Variants in LOC112694756 observed in about 807,000 individuals in gnomAD.
At chr16:30,067,714 A>G in the LOC112694756 span, 2 of 1,605,680 alleles carry the variant, frequency 1.2e-6, no homozygotes, top group African/African-American at 1.3e-5. Context: ...GAGGAAGGAA[A>G]TCCAGGTTAG....
chr16:30,065,504 G>A, the LOC112694756 span, among the ~76,000 whole-genome samples: 1 of 152,214 alleles, frequency 6.6e-6, no homozygotes, highest in Non-Finnish European at 1.5e-5. Context: ...GAGCGCGCCA[G>A]GCTGGGGGAA....
chr16:30,065,190 C>T, the LOC112694756 span, among the ~76,000 whole-genome samples: 2 of 152,232 alleles, frequency 1.3e-5, no homozygotes, highest in Admixed American at 1.3e-4. Flanking sequence ...CTCGCGCTCC[C>T]TGCGTGTCCT....
chr16:30,060,818 C>T, the LOC112694756 span, among the ~76,000 whole-genome samples: 1 of 152,180 alleles, frequency 6.6e-6, no homozygotes, highest in African/African-American at 2.4e-5. Flanking sequence ...TCCACCATGA[C>T]GGTTCTAGCC....
At chr16:30,060,222 G>A in the LOC112694756 span, among the ~76,000 whole-genome samples, 2 of 151,828 alleles carry the variant, frequency 1.3e-5, no homozygotes. Flanking sequence ...CAGATGGTGC[G>A]CCCACCTTGG....
chr16:30,053,784 T>C, the LOC112694756 span, among the ~76,000 whole-genome samples: 2 of 152,002 alleles, frequency 1.3e-5, no homozygotes, highest in East Asian at 3.9e-4. Flanking sequence ...CTGCAGCATT[T>C]GGGGAACTGC....
the LOC112694756 span, among the ~76,000 whole-genome samples, chr16:30,061,071 C>A: frequency 6.6e-6 from 1 of 152,252 alleles, no homozygotes; most frequent in African/African-American, 2.4e-5. Context: ...CCTCAAGGAG[C>A]CAATCTTCTG....
At chr16:30,067,504 G>C in the LOC112694756 span, 1 of 1,613,548 alleles carries the variant, frequency 6.2e-7, no homozygotes, top group African/African-American at 1.3e-5. Flanking sequence ...GAGGAGAACC[G>C]GCGCTTCTAC....
the LOC112694756 span, among the ~76,000 whole-genome samples, chr16:30,065,122 C>T: frequency 6.6e-6 from 1 of 152,242 alleles, no homozygotes; most frequent in Non-Finnish European, 1.5e-5. Flanking sequence ...CCCGGCCTGC[C>T]AGCCTGGAAC....
At chr16:30,059,100 GTCTGGGC>G in the LOC112694756 span, 1 of 398,240 alleles carries the variant, frequency 2.5e-6, no homozygotes, top group Non-Finnish European at 4.4e-6. Flanking sequence ...CCACACTGAG[GTCTGGGC>G]TGGGGCTAGA....
chr16:30,058,588 C>T, the LOC112694756 span, among the ~76,000 whole-genome samples: 3 of 151,768 alleles, frequency 2.0e-5, no homozygotes, highest in East Asian at 1.9e-4. Context: ...CGGGTTCAAG[C>T]GATTCTCCTG....
the LOC112694756 span, chr16:30,067,535 TGAC>T: frequency 6.2e-7 from 1 of 1,613,734 alleles, no homozygotes; most frequent in Non-Finnish European, 8.5e-7. Flanking sequence ...TGCTGACAGC[TGAC>T]GACCGCGTGA....
At chr16:30,054,726 C>A in the LOC112694756 span, 1 of 399,444 alleles carries the variant, frequency 2.5e-6, no homozygotes, top group Non-Finnish European at 4.4e-6. Flanking sequence ...ATGGTATTCC[C>A]GTGTTCCTGC....
At chr16:30,063,150 A>T in the LOC112694756 span, among the ~76,000 whole-genome samples, 1 of 152,138 alleles carries the variant, frequency 6.6e-6, no homozygotes, top group Non-Finnish European at 1.5e-5. Flanking sequence ...CAAAAAAAAA[A>T]AAAAAATTAA....
chr16:30,069,216 A>G, the LOC112694756 span: 1 of 1,484,594 alleles, frequency 6.7e-7, no homozygotes, highest in Non-Finnish European at 9.4e-7. Flanking sequence ...TGGCATCATC[A>G]AGATACGGTC....
chr16:30,069,123 G>A, the LOC112694756 span: 2 of 1,409,900 alleles, frequency 1.4e-6, no homozygotes, highest in Non-Finnish European at 2.0e-6. Flanking sequence ...GCTGTTGAAG[G>A]CAGAGGGGCC....
the LOC112694756 span, chr16:30,067,701 G>A: frequency 6.2e-7 from 1 of 1,610,942 alleles, no homozygotes; most frequent in Non-Finnish European, 8.5e-7. Context: ...TGAGATGGAA[G>A]TGGAGGAAGG....
chr16:30,059,308 T>C, the LOC112694756 span, among the ~76,000 whole-genome samples: 16 of 151,678 alleles, frequency 1.1e-4, no homozygotes, highest in Admixed American at 2.6e-4. Flanking sequence ...CCATCCTGGC[T>C]AACACGGTAA....
chr16:30,069,786 G>C, the LOC112694756 span: 4 of 1,613,222 alleles, frequency 2.5e-6, no homozygotes, highest in South Asian at 4.4e-5. Context: ...CCAGCTTCCT[G>C]GGTCTCTGAC....
At chr16:30,055,370 A>C in the LOC112694756 span, 1 of 399,014 alleles carries the variant, frequency 2.5e-6, no homozygotes, top group Non-Finnish European at 4.4e-6. Flanking sequence ...GCCCTGATCT[A>C]GGTATGATCG....
Sources: allele counts gnomAD v4.1 joint callset (sites outside exome capture counted in the v4.1 genomes callset), GRCh38; gene constraint gnomAD v4.1.1; transcripts MANE v1.5.